The following GRK3 variants were observed in gnomAD, a reference collection of about 807,000 sequenced individuals.
The protein encoded by GRK3 is G protein-coupled receptor kinase 3, also known as adrenergic, beta, receptor kinase 2.
A neutral mutation model predicts 95.7 loss-of-function variants in GRK3; 54 were observed. The observed-to-expected ratio is 0.56, with a 90% CI of 0.45 to 0.71. The LOEUF is 0.71. Ranked by LOEUF, GRK3 falls within the 30% of genes least tolerant of loss-of-function variation. The pLI, the probability that GRK3 is intolerant of heterozygous loss-of-function variation, is 0.00. For synonymous variants in GRK3, 281 were observed against 290.8 expected, an observed-to-expected ratio of 0.97 and a Z score of 0.34; for missense variants, 649 against 851.2, an observed-to-expected ratio of 0.76 and a Z score of 2.96.
chr22:25,701,099 A>G (rs1053488064), intron 13 of GRK3, among the ~76,000 whole-genome samples: 1 of 152,210 alleles, frequency 6.6e-6, no homozygotes, highest in African/African-American at 2.4e-5. Context: ...GCACTTGACC[A>G]CAGGACATGT....
At chr22:25,718,186 G>T in intron 18 of GRK3, 59 bp from the exon 19 acceptor site, 1 of 1,546,174 alleles carries the variant, frequency 6.5e-7, no homozygotes, top group East Asian at 2.3e-5. Flanking sequence ...AGAGAATAAT[G>T]CTGCTAAGAC....
intron 1 of GRK3, among the ~76,000 whole-genome samples, chr22:25,595,241 T>C (rs1290906137): frequency 6.6e-6 from 1 of 152,110 alleles, no homozygotes; most frequent in Non-Finnish European, 1.5e-5. Flanking sequence ...TGATAATGAT[T>C]CTATACCGAG....
chr22:25,703,134 G>A (rs796728803), intron 13 of GRK3: 15 of 292,384 alleles, frequency 5.1e-5, no homozygotes, highest in African/African-American at 1.8e-4. Context: ...TCTGAAAAAT[G>A]TACATGAAAG....
At chr22:25,633,803 G>C (rs1195256852) in intron 2 of GRK3, among the ~76,000 whole-genome samples, 1 of 151,846 alleles carries the variant, frequency 6.6e-6, no homozygotes, top group Non-Finnish European at 1.5e-5. Flanking sequence ...TTAATGCTTT[G>C]GTTGGTCAAA....
In GRK3 at chr22:25,685,949, G is replaced by A. The variant is rs1329892939; in HGVS notation, c.826+701G>A. On this transcript the variant is annotated intron_variant, in intron 10 of 20. Transcript: ENST00000324198. Reference sequence around the variant, plus strand: ...TTTAAAACCAGATCTAGCCGGGCACGGTGGCTCACGCCTGTAATCCCAGCA... The same window carrying A: ...TTTAAAACCAGATCTAGCCGGGCACAGTGGCTCACGCCTGTAATCCCAGCA... Among the ~76,000 whole-genome samples the A allele has an allele frequency of 8.6e-5, 13 of 151,338 alleles. No individual in the cohort carries two copies. In the East Asian group the frequency reaches 1.2e-3, roughly 14 times the overall value.
At chr22:25,672,253 A>G in intron 6 of GRK3, 43 bp from the exon 7 acceptor site, 1 of 970,892 alleles carries the variant, frequency 1.0e-6, no homozygotes. Context: ...AATCCAGTTA[A>G]TTTGATATTT....
chr22:25,675,480 G>A (rs1398399250), intron 8 of GRK3, among the ~76,000 whole-genome samples: 1 of 152,086 alleles, frequency 6.6e-6, no homozygotes, highest in Non-Finnish European at 1.5e-5. Context: ...AACAGAAGTG[G>A]CTTAAGACAT....
chr22:25,653,393 T>A (rs1047326525), intron 3 of GRK3, among the ~76,000 whole-genome samples: 4 of 152,220 alleles, frequency 2.6e-5, no homozygotes, highest in Admixed American at 2.6e-4. Context: ...AGGCAAACTA[T>A]GCAATAATGC....
intron 2 of GRK3, among the ~76,000 whole-genome samples, chr22:25,623,573 A>C (rs12158587): frequency 0.026 from 4,024 of 152,292 alleles, 174 homozygotes; most frequent in African/African-American, 0.09. Context: ...AGAACAGATC[A>C]AATACCTCAC....
At chr22:25,602,112 G>A (rs2084413401) in intron 1 of GRK3, among the ~76,000 whole-genome samples, 1 of 152,162 alleles carries the variant, frequency 6.6e-6, no homozygotes, top group Non-Finnish European at 1.5e-5. Flanking sequence ...AAATAAAGAA[G>A]TTGTACAACT....
chr22:25,592,249 C>G (rs1459635154), intron 1 of GRK3, among the ~76,000 whole-genome samples: 1 of 152,166 alleles, frequency 6.6e-6, no homozygotes, highest in Non-Finnish European at 1.5e-5. Flanking sequence ...TGTTGAACAA[C>G]TTTTCATATG....
chr22:25,590,751 G>A (rs565685720), intron 1 of GRK3, among the ~76,000 whole-genome samples: 1 of 152,270 alleles, frequency 6.6e-6, no homozygotes, highest in South Asian at 2.1e-4. Context: ...AACTTGGGAG[G>A]TGGAGGTTGC....
intron 13 of GRK3, among the ~76,000 whole-genome samples, chr22:25,699,588 AC>A (rs1235867069): frequency 2.0e-5 from 3 of 151,938 alleles, no homozygotes; most frequent in Admixed American, 6.6e-5. Context: ...GAGGGTGAGG[AC>A]CACTGCCCCA....
intron 15 of GRK3, among the ~76,000 whole-genome samples, chr22:25,709,226 AAGGGGTTT>A (rs2085324522): frequency 6.6e-6 from 1 of 151,734 alleles, no homozygotes; most frequent in Admixed American, 6.6e-5. Flanking sequence ...TTCGGTAGAG[AAGGGGTTT>A]CACCGTGTTA....
intron 13 of GRK3, chr22:25,703,120 T>C (rs1256247802): frequency 3.5e-6 from 1 of 289,226 alleles, no homozygotes; most frequent in African/African-American, 2.2e-5. Flanking sequence ...CCAATATCCA[T>C]TTTTCTGAAA....
intron 4 of GRK3, among the ~76,000 whole-genome samples, chr22:25,662,427 T>C (rs2084915380): frequency 6.6e-6 from 1 of 152,202 alleles, no homozygotes; most frequent in South Asian, 2.1e-4. Context: ...AGTGGTTACA[T>C]GGGGCTAGTG....
At chr22:25,657,424 A>T (rs760947671) in intron 3 of GRK3, among the ~76,000 whole-genome samples, 6 of 152,166 alleles carry the variant, frequency 3.9e-5, no homozygotes, top group Non-Finnish European at 7.4e-5. Flanking sequence ...AAATGTGTCT[A>T]TCTCTGGTAA....
At chr22:25,600,809 T>G (rs2084404752) in intron 1 of GRK3, among the ~76,000 whole-genome samples, 1 of 152,182 alleles carries the variant, frequency 6.6e-6, no homozygotes, top group Admixed American at 6.5e-5. Context: ...TCCTTAAAGG[T>G]AAAAAGATAG....
intron 1 of GRK3, among the ~76,000 whole-genome samples, chr22:25,582,811 G>T (rs1305021881): frequency 6.6e-6 from 1 of 152,102 alleles, no homozygotes; most frequent in Non-Finnish European, 1.5e-5. Flanking sequence ...GGTATTTAAT[G>T]AGATAATAAA....
Sources: allele counts gnomAD v4.1 joint callset (sites outside exome capture counted in the v4.1 genomes callset), GRCh38; gene constraint gnomAD v4.1.1; transcripts MANE v1.5; gene names NCBI Gene and HGNC (gene_info 2026-07-23, HGNC 2026-07-21).